The following NEXMIF variants were observed in gnomAD, a reference collection of about 807,000 sequenced individuals.
NEXMIF encodes the protein neurite extension and migration factor.
NEXMIF carries 8 observed loss-of-function variants against 62.1 expected under a neutral mutation model. The observed-to-expected ratio is 0.13, with a 90% confidence interval of 0.08 to 0.23. The LOEUF (loss-of-function observed/expected upper bound fraction) is 0.23. NEXMIF is among the 10% of genes least tolerant of loss of function. The pLI is 1.00. For missense variants in NEXMIF, 976 were observed against 1,113.3 expected (o/e 0.88, Z 1.75); for synonymous variants, 404 against 416.6 (o/e 0.97, Z 0.37).
intron 1 of NEXMIF, among the ~76,000 whole-genome samples, chrX:74,761,841 A>C (rs775076757): frequency 1.8e-3 from 201 of 110,458 alleles, no homozygotes; most frequent in African/African-American, 6.3e-3. Flanking sequence ...TAGCTTTCTG[A>C]TGTGGGCATT....
intron 1 of NEXMIF, among the ~76,000 whole-genome samples, chrX:74,903,476 T>C (rs1490845229): frequency 9.1e-6 from 1 of 109,337 alleles, no homozygotes; most frequent in African/African-American, 3.3e-5. Flanking sequence ...AGCCTGGAAT[T>C]GAAAAATTGA....
intron 1 of NEXMIF, among the ~76,000 whole-genome samples, chrX:74,853,842 A>T (rs1425717660): frequency 9.0e-6 from 1 of 111,469 alleles, no homozygotes; most frequent in East Asian, 2.8e-4. Flanking sequence ...GAGGAAAAAA[A>T]TAAATTCCTG....
chrX:74,841,339 C>A (rs1039235412), intron 1 of NEXMIF, among the ~76,000 whole-genome samples: 1 of 111,846 alleles, frequency 8.9e-6, no homozygotes, highest in Middle Eastern at 4.7e-3. Flanking sequence ...TATCCTGAAA[C>A]TTTGTTGAAG....
rs776692435 is a variant in NEXMIF at position 74,829,430 on chromosome X, T to C, written c.-47-83733A>G. On this transcript the variant is annotated intron_variant, in intron 1 of 3. Coordinates refer to ENST00000055682, the MANE Select transcript of NEXMIF (RefSeq NM_001008537.3). ...AGTACTTCATGGTGTATATGTACCA[T>C]ATTTTCTTTCTCCATTCATCTGTTG... is the stretch of plus-strand genomic sequence containing the variant. 6.2e-5 allele frequency among the ~76,000 whole-genome samples: 7 copies of C among 112,230 alleles called. No homozygotes were observed. In the South Asian group the frequency reaches 1.8e-3, roughly 29 times the overall value.
intron 1 of NEXMIF, among the ~76,000 whole-genome samples, chrX:74,905,865 T>C (rs1224758482): frequency 8.9e-6 from 1 of 111,859 alleles, no homozygotes; most frequent in African/African-American, 3.2e-5. Context: ...ACAAATAATT[T>C]CTAAAAACAA....
At chrX:74,767,821 C>T (rs1233880299) in intron 1 of NEXMIF, among the ~76,000 whole-genome samples, 1 of 112,367 alleles carries the variant, frequency 8.9e-6, no homozygotes, top group African/African-American at 3.2e-5. Flanking sequence ...CTGGGAGCTC[C>T]GTCTTAGGGA....
intron 1 of NEXMIF, among the ~76,000 whole-genome samples, chrX:74,900,462 C>CAAAAA (rs758887978): frequency 3.0e-5 from 1 of 33,376 alleles, no homozygotes; most frequent in Non-Finnish European, 6.0e-5. Flanking sequence ...GACTCCGTCT[C>CAAAAA]AAAAAAAAAA....
intron 1 of NEXMIF, among the ~76,000 whole-genome samples, chrX:74,834,134 C>CA (rs60340857): frequency 0.24 from 12,662 of 52,913 alleles, 1,132 homozygotes; most frequent in Non-Finnish European, 0.32. Flanking sequence ...AACTCCATCT[C>CA]AAAAAAAAAA....
intron 1 of NEXMIF, among the ~76,000 whole-genome samples, chrX:74,873,548 T>A (rs1248154997): frequency 8.9e-6 from 1 of 111,870 alleles, no homozygotes; most frequent in Non-Finnish European, 1.9e-5. Context: ...TAGTTCTAGA[T>A]CCCTGAGGAA....
rs144582840 is a variant in NEXMIF, at chrX:74,869,585, C to T, written c.-48+55298G>A. On this transcript the variant is annotated intron_variant, in intron 1 of 3. Coordinates refer to ENST00000055682, the MANE Select transcript of NEXMIF (RefSeq NM_001008537.3). ...ATATTTGGAAAAACTAATGACTCCACAAAAAACAATTAGAGCTGAAAAACA... is the reference window on the plus strand; with the variant it reads ...ATATTTGGAAAAACTAATGACTCCATAAAAAACAATTAGAGCTGAAAAACA... 7.5e-4 allele frequency among the ~76,000 whole-genome samples: 84 copies of T among 111,614 alleles called. 1 individual carries two copies. In the East Asian group the frequency reaches 0.021, roughly 28 times the overall value.
chrX:74,747,647 T>TC (rs913444600), intron 1 of NEXMIF, among the ~76,000 whole-genome samples: 10 of 110,292 alleles, frequency 9.1e-5, no homozygotes, highest in Admixed American at 6.8e-4. Context: ...CCAAACTTTT[T>TC]TTTTTTTTTT....
intron 1 of NEXMIF, among the ~76,000 whole-genome samples, chrX:74,823,061 G>A (rs1005304720): frequency 8.9e-6 from 1 of 112,019 alleles, no homozygotes; most frequent in African/African-American, 3.2e-5. Flanking sequence ...GGTGAACCTT[G>A]AAAACATTAT....
intron 1 of NEXMIF, among the ~76,000 whole-genome samples, chrX:74,848,385 GTA>G (rs1269683495): frequency 8.9e-6 from 1 of 112,228 alleles, no homozygotes; most frequent in Non-Finnish European, 1.9e-5. Flanking sequence ...TATGGCTGCT[GTA>G]ATAAATTACA....
intron 1 of NEXMIF, among the ~76,000 whole-genome samples, chrX:74,803,944 T>C (rs920124708): frequency 4.5e-5 from 5 of 111,808 alleles, no homozygotes; most frequent in African/African-American, 1.6e-4. Context: ...AGGGTGTTAA[T>C]GAGCAAGAAT....
chrX:74,814,220 T>C (rs188393325), intron 1 of NEXMIF, among the ~76,000 whole-genome samples: 85 of 111,887 alleles, frequency 7.6e-4, no homozygotes, highest in African/African-American at 2.6e-3. Context: ...AAGAGTTTAA[T>C]TGGTAGACAC....
chrX:74,840,642 A>G (rs2080470945), intron 1 of NEXMIF, among the ~76,000 whole-genome samples: 1 of 111,770 alleles, frequency 8.9e-6, no homozygotes, highest in Non-Finnish European at 1.9e-5. Context: ...TCTTTAATCC[A>G]TCTTGTTAGT....
At chrX:74,838,031 T>G (rs948051353) in intron 1 of NEXMIF, among the ~76,000 whole-genome samples, 3 of 111,312 alleles carry the variant, frequency 2.7e-5, no homozygotes, top group Admixed American at 9.6e-5. Context: ...GAGGAAATAA[T>G]AAAAATAGGC....
intron 1 of NEXMIF, among the ~76,000 whole-genome samples, chrX:74,803,060 C>G (rs1185586949): frequency 1.8e-5 from 2 of 110,555 alleles, no homozygotes; most frequent in African/African-American, 3.3e-5. Flanking sequence ...AGCACACTTA[C>G]AAGATCTAGA....
At chrX:74,825,382 T>TC (rs2080412196) in intron 1 of NEXMIF, among the ~76,000 whole-genome samples, 1 of 109,145 alleles carries the variant, frequency 9.2e-6, no homozygotes, top group African/African-American at 3.3e-5. Context: ...CTCTCCCTCC[T>TC]CCCACCCCCC....
Sources: allele counts gnomAD v4.1 joint callset (sites outside exome capture counted in the v4.1 genomes callset), GRCh38; gene constraint gnomAD v4.1.1; transcripts MANE v1.5; gene names NCBI Gene and HGNC (gene_info 2026-07-23, HGNC 2026-07-21).